The following RTP3 variants were observed in gnomAD, a reference collection of about 807,000 sequenced individuals.
RTP3 encodes the protein receptor-transporting protein 3.
A neutral mutation model predicts 6.2 loss-of-function variants in RTP3; 2 were observed. The observed-to-expected ratio is 0.32, with a 90% confidence interval of 0.13 to 1.02. The LOEUF is 1.02. RTP3 is among the 50% of genes least tolerant of loss of function. The pLI, the probability that RTP3 is intolerant of heterozygous loss-of-function variation, is 0.47. For missense variants in RTP3, 252 were observed against 280.8 expected, an observed-to-expected ratio of 0.90 and a Z score of 0.73; for synonymous variants, 106 against 98.3, an observed-to-expected ratio of 1.08 and a Z score of -0.47.
In RTP3 at chr3:46,500,726, A is replaced by T. The variant is rs1442163139; in HGVS notation, c.526A>T (p.Thr176Ser). ...IQVTSLPPSQ[T>S]PRVHSIYKVE... ...GGTTACAAGCCTCCCCCCATCTCAG[A>T]CCCCAAGAGTACACTCCATTTACAA... The change falls in exon 2 of 2, where the codon ACC becomes TCC. Residue 176 changes from threonine to serine, a missense_variant. Physicochemically the swap from Thr to Ser is moderately conservative, Grantham distance 58 (BLOSUM62 1). Coordinates refer to ENST00000296142, the MANE Select transcript of RTP3 (RefSeq NM_031440.2). The T allele has an allele frequency of 7.4e-6, 12 of 1,613,892 alleles. No individual in the cohort carries two copies. The highest frequency in any genetic ancestry group is 9.3e-6 in the Non-Finnish European group (11 of 1,179,962).
Position 46,498,207 on chromosome 3 carries a change from A to ATG in RTP3, c.145_146insTG (p.Thr49MetfsTer26). 1 of 1,614,190 alleles carries ATG rather than the reference A, an allele frequency of 6.2e-7. No homozygotes were observed. Among genetic ancestry groups the ATG allele is most frequent in the South Asian group, 1.1e-5 (1 of 91,086 alleles). ...AGGCTGGATGCAATACCAGCAGTGG[A>ATG]CCTTCGCCAGGTGAGGGGGAATGTG... On this transcript the variant is annotated frameshift_variant, in exon 1 of 2. Coordinates refer to ENST00000296142, the MANE Select transcript of RTP3 (RefSeq NM_031440.2). LOFTEE classifies it low-confidence loss of function (END_TRUNC).
At chr3:46,499,881 TAATC>T (rs1703687323) in intron 1 of RTP3, among the ~76,000 whole-genome samples, 1 of 152,140 alleles carries the variant, frequency 6.6e-6, no homozygotes, top group African/African-American at 2.4e-5. Context: ...GTCTATAACT[TAATC>T]AACACCCACC....
chr3:46,498,915 G>A (rs1049424927), intron 1 of RTP3, among the ~76,000 whole-genome samples: 7 of 152,226 alleles, frequency 4.6e-5, no homozygotes, highest in Non-Finnish European at 1.0e-4. Context: ...AGGGAGCATT[G>A]CACCAAAGTC....
intron 1 of RTP3, among the ~76,000 whole-genome samples, chr3:46,498,813 T>A (rs1575335920): frequency 6.6e-6 from 1 of 152,166 alleles, no homozygotes; most frequent in East Asian, 1.9e-4. Flanking sequence ...GGAGGCCGGG[T>A]CCCACCCGCT....
In RTP3 at chr3:46,498,709, T is replaced by C. The variant is rs145295815; in HGVS notation, c.155+492T>C. Among the ~76,000 whole-genome samples, 3 of 152,004 alleles carry C rather than the reference T, an allele frequency of 2.0e-5. No homozygotes were observed. The East Asian group carries it at 5.8e-4, about 29-fold the overall frequency. On this transcript the variant is annotated intron_variant, in intron 1 of 1. Transcript: ENST00000296142. The stretch of plus-strand genomic sequence containing the variant: ...TGATAGAATCTTTTTAAAATAGGAG[T>C]CTTAGAAATCATCCTAAGCCTCATC...
Position 46,500,432 on chromosome 3 carries a change from G to A in RTP3, c.232G>A (p.Glu78Lys). The part of the protein sequence containing the change: ...LVLFHMNWSE[E>K]KSRGQVKMRV... Reference sequence around the variant, plus strand: ...CCTTTTCCACATGAACTGGAGTGAGGAGAAGTCCAGGGGCCAGGTGAAGAT... The same window carrying A: ...CCTTTTCCACATGAACTGGAGTGAGAAGAAGTCCAGGGGCCAGGTGAAGAT... Residue 78 changes from glutamate (E) to lysine (K), a missense_variant, in exon 2 of 2, where the codon GAG becomes AAG. Coordinates refer to ENST00000296142, the MANE Select transcript of RTP3 (RefSeq NM_031440.2). 1 of 1,614,198 alleles carries A rather than the reference G, an allele frequency of 6.2e-7. No homozygotes were observed. The highest frequency in any genetic ancestry group is 8.5e-7 in the Non-Finnish European group (1 of 1,180,050).
chr3:46,500,668 A>G lies in RTP3; in HGVS notation c.468A>G (p.Ala156=), dbSNP rs1703697065. Reference sequence around the variant, plus strand: ...CACACAATAGTGACAACTGTGAGGCATGTCTGCAGGGCTTCTGTGCTGGGC... The same window carrying G: ...CACACAATAGTGACAACTGTGAGGCGTGTCTGCAGGGCTTCTGTGCTGGGC... The part of the protein sequence containing the change: ...EGPHNSDNCE[A]CLQGFCAGPI... The change falls in exon 2 of 2, where the codon GCA becomes GCG. Residue 156 remains alanine (A), a synonymous_variant. Transcript: ENST00000296142. 3 of 1,613,934 alleles carry G rather than the reference A, an allele frequency of 1.9e-6. No individual in the cohort carries two copies. Among genetic ancestry groups the G allele is most frequent in the Non-Finnish European group, 2.5e-6 (3 of 1,179,988 alleles).
rs1284142521 is a variant in RTP3 at position 46,498,013 on chromosome 3, G to T, written c.-50G>T. 5.0e-6 allele frequency: 8 copies of T among 1,607,924 alleles called. No individual in the cohort carries two copies. The highest frequency in any genetic ancestry group is 1.3e-5 in the African/African-American group (1 of 74,818). Reference sequence around the variant, plus strand: ...AAACCTCATCTCCCACTACAGACCTGCCAGGGCCCAGGAGAGCTCGACCCA... The same window carrying T: ...AAACCTCATCTCCCACTACAGACCTTCCAGGGCCCAGGAGAGCTCGACCCA... On this transcript the variant is annotated 5_prime_UTR_variant, in exon 1 of 2. Coordinates refer to ENST00000296142, the MANE Select transcript of RTP3 (RefSeq NM_031440.2).
Position 46,500,601 on chromosome 3 carries a change from T to C in RTP3, c.401T>C (p.Ile134Thr). The part of the protein sequence containing the change: ...KKCYRGRFQL[I>T]EEVPMIKDIS... ...TGCTATAGAGGAAGATTTCAGTTGA[T>C]AGAGGAGGTTCCTATGATCAAGGAC... is the stretch of plus-strand genomic sequence containing the variant. The change falls in exon 2 of 2, where the codon ATA (isoleucine) becomes ACA (threonine). Residue 134 changes from isoleucine to threonine, a missense_variant. Ile to Thr is a moderately conservative substitution (Grantham distance 89). Coordinates refer to ENST00000296142, the MANE Select transcript of RTP3 (RefSeq NM_031440.2). The C allele has an allele frequency of 1.2e-6, 2 of 1,614,190 alleles. No homozygotes were observed. Among genetic ancestry groups the C allele is most frequent in the Admixed American group, 1.7e-5 (1 of 60,026 alleles).
rs763541819 is a variant in RTP3 at position 46,500,429 on chromosome 3, G to A, written c.229G>A (p.Glu77Lys). 8 of 1,614,200 alleles carry A rather than the reference G, an allele frequency of 5.0e-6. No individual in the cohort carries two copies. The highest frequency in any genetic ancestry group is 6.8e-6 in the Non-Finnish European group (8 of 1,180,044). Residue 77 changes from glutamate to lysine, a missense_variant, in exon 2 of 2, where the codon GAG becomes AAG. Coordinates refer to ENST00000296142, the MANE Select transcript of RTP3 (RefSeq NM_031440.2). The stretch of plus-strand genomic sequence containing the variant: ...GGTCCTTTTCCACATGAACTGGAGT[G>A]AGGAGAAGTCCAGGGGCCAGGTGAA... ...VLVLFHMNWSEEKSRGQVKMR... is the reference protein window; with the variant it reads ...VLVLFHMNWSKEKSRGQVKMR...
At chr3:46,500,295 T>C (rs1703691028) in intron 1 of RTP3, 61 bp from the exon 2 acceptor site, 1 of 1,518,304 alleles carries the variant, frequency 6.6e-7, no homozygotes, top group East Asian at 2.3e-5. Context: ...TTTCTCTCTC[T>C]GGCAGTTCCC....
intron 1 of RTP3, 150 bp downstream of exon 1, chr3:46,498,367 T>A: frequency 1.1e-6 from 1 of 903,356 alleles, no homozygotes; most frequent in Non-Finnish European, 1.7e-6. Flanking sequence ...GTAACTTCAT[T>A]AAAGATCGTT....
chr3:46,500,433 A>AGT lies in RTP3; in HGVS notation c.234_235insTG (p.Lys79Ter). On this transcript the variant is annotated frameshift_variant, in exon 2 of 2. Transcript: ENST00000296142. LOFTEE classifies it low-confidence loss of function (END_TRUNC). ...CTTTTCCACATGAACTGGAGTGAGG[A>AGT]GAAGTCCAGGGGCCAGGTGAAGATG... The AGT allele has an allele frequency of 6.2e-7, 1 of 1,614,190 alleles. No individual in the cohort carries two copies.
chr3:46,499,426 C>T (rs532030224), intron 1 of RTP3, among the ~76,000 whole-genome samples: 31 of 152,326 alleles, frequency 2.0e-4, no homozygotes, highest in Admixed American at 1.2e-3. Flanking sequence ...TCCCATGGCC[C>T]CAGCCTCACG....
intron 1 of RTP3, among the ~76,000 whole-genome samples, 197 bp downstream of exon 1, chr3:46,498,414 G>T (rs1258912970): frequency 2.0e-5 from 3 of 152,210 alleles, no homozygotes; most frequent in East Asian, 3.9e-4. Context: ...GCAAGAGCAG[G>T]CCTGAGCACC....
intron 1 of RTP3, among the ~76,000 whole-genome samples, chr3:46,499,016 G>A (rs888637909): frequency 6.6e-6 from 1 of 152,260 alleles, no homozygotes; most frequent in Non-Finnish European, 1.5e-5. Context: ...CTTCTGCTCA[G>A]AACAGGGCCC....
In RTP3 at chr3:46,500,718, C is replaced by A. The variant is rs764993862; in HGVS notation, c.518C>A (p.Pro173Gln). ...CCCATACAGGTTACAAGCCTCCCCCCATCTCAGACCCCAAGAGTACACTCC... is the reference window on the plus strand; with the variant it reads ...CCCATACAGGTTACAAGCCTCCCCCAATCTCAGACCCCAAGAGTACACTCC... ...AGPIQVTSLP[P>Q]SQTPRVHSIY... The change falls in exon 2 of 2, where the codon CCA (proline) becomes CAA (glutamine). Residue 173 changes from proline to glutamine, a missense_variant. By Grantham distance (76) the Pro-to-Gln change is moderately conservative. Coordinates refer to ENST00000296142, the MANE Select transcript of RTP3 (RefSeq NM_031440.2). 5 of 1,613,966 alleles carry A rather than the reference C, an allele frequency of 3.1e-6. No homozygotes were observed. The highest frequency in any genetic ancestry group is 1.7e-5 in the Admixed American group (1 of 59,990).
intron 1 of RTP3, among the ~76,000 whole-genome samples, chr3:46,499,845 T>C (rs1703686842): frequency 6.6e-6 from 1 of 151,896 alleles, no homozygotes; most frequent in East Asian, 1.9e-4. Flanking sequence ...CCCTGGACAC[T>C]TCAGGCTCCC....
Position 46,500,553 on chromosome 3 carries a change from TG to T in RTP3, c.355del (p.Val119CysfsTer5). ...QENISRILKN[L>X]VFRILKKCYR... Reference sequence around the variant, plus strand: ...AACATCTCAAGGATCCTGAAAAACCTGGTGTTCCGAATTCTGAAGAAATGCT... The same window carrying T: ...AACATCTCAAGGATCCTGAAAAACCTGTGTTCCGAATTCTGAAGAAATGCT... On this transcript the variant is annotated frameshift_variant, in exon 2 of 2. Coordinates refer to ENST00000296142, the MANE Select transcript of RTP3 (RefSeq NM_031440.2). LOFTEE classifies it low-confidence loss of function (END_TRUNC). 1 of 1,614,234 alleles carries T rather than the reference TG, an allele frequency of 6.2e-7. No individual in the cohort carries two copies. The highest frequency in any genetic ancestry group is 8.5e-7 in the Non-Finnish European group (1 of 1,180,034).
Sources: allele counts gnomAD v4.1 joint callset (sites outside exome capture counted in the v4.1 genomes callset), GRCh38; gene constraint gnomAD v4.1.1; transcripts MANE v1.5; gene names NCBI Gene and HGNC (gene_info 2026-07-23, HGNC 2026-07-21).